The following THEMIS variants were observed in gnomAD, a reference collection of about 807,000 sequenced individuals.
THEMIS encodes protein THEMIS.
Under a neutral mutation model 52.6 loss-of-function variants are expected in THEMIS, and 37 were observed. The observed-to-expected ratio is 0.70, with a 90% CI of 0.54 to 0.93. The LOEUF is 0.93. Among genes scored for constraint, THEMIS ranks in the 40% least tolerant of loss-of-function variants. The probability of loss-of-function intolerance (pLI) is 0.00; values close to 1 mark genes in which losing one functional copy is unlikely to be tolerated. For synonymous variants in THEMIS, 292 were observed against 272.7 expected (o/e 1.07, Z -0.70); for missense variants, 808 against 763.1 (o/e 1.06, Z -0.69).
chr6:127,797,617 A>C (rs907523919), intron 4 of THEMIS, among the ~76,000 whole-genome samples: 1 of 152,164 alleles, frequency 6.6e-6, no homozygotes, highest in African/African-American at 2.4e-5. Context: ...AAGACCTCCA[A>C]ATGGATCACC....
chr6:127,833,661 A>G (rs1374462793), intron 2 of THEMIS, among the ~76,000 whole-genome samples: 2 of 152,188 alleles, frequency 1.3e-5, no homozygotes, highest in African/African-American at 4.8e-5. Context: ...TGAGAAGAAC[A>G]ATAATAATCT....
chr6:127,788,984 G>A (rs988070636), intron 4 of THEMIS, among the ~76,000 whole-genome samples: 3 of 152,092 alleles, frequency 2.0e-5, no homozygotes, highest in African/African-American at 4.8e-5. Context: ...AGAAGCATGA[G>A]CAAACAAGTT....
At chr6:127,880,733 G>A (rs1780459759) in intron 1 of THEMIS, among the ~76,000 whole-genome samples, 1 of 152,114 alleles carries the variant, frequency 6.6e-6, no homozygotes, top group Admixed American at 6.5e-5. Flanking sequence ...TCTATTTTTT[G>A]TAAGAACCAG....
chr6:127,841,689 A>C (rs936012285), intron 2 of THEMIS, among the ~76,000 whole-genome samples: 56 of 149,412 alleles, frequency 3.7e-4, no homozygotes, highest in Middle Eastern at 3.4e-3. Flanking sequence ...GGATGCAGAG[A>C]AATAATCTGA....
intron 5 of THEMIS, among the ~76,000 whole-genome samples, chr6:127,714,169 C>T (rs1376737254): frequency 6.6e-6 from 1 of 151,756 alleles, no homozygotes; most frequent in Non-Finnish European, 1.5e-5. Flanking sequence ...TCCATAGAAC[C>T]CCTACAGCAG....
Position 127,829,635 on chromosome 6 carries a change from G to A in THEMIS, c.550C>T (p.Leu184=). 1 of 1,614,016 alleles carries A rather than the reference G, an allele frequency of 6.2e-7. No homozygotes were observed. ...YECEDERIYT[L]KEIVEWKIPK... ...ATCTTCCATTCAACAATCTCCTTTA[G>A]AGTGTAAATACGTTCATCTTCACAC... The change falls in exon 3 of 6, where the codon CTA becomes TTA. Residue 184 remains leucine, a synonymous_variant. Coordinates refer to ENST00000368248, the MANE Select transcript of THEMIS (RefSeq NM_001010923.3).
intron 4 of THEMIS, among the ~76,000 whole-genome samples, chr6:127,724,138 T>C (rs1393320392): frequency 6.6e-6 from 1 of 152,122 alleles, no homozygotes; most frequent in Non-Finnish European, 1.5e-5. Flanking sequence ...GCTTACATTA[T>C]ATATTGGTAG....
chr6:127,874,805 A>G (rs1780266092), intron 1 of THEMIS, among the ~76,000 whole-genome samples: 1 of 152,236 alleles, frequency 6.6e-6, no homozygotes, highest in African/African-American at 2.4e-5. Flanking sequence ...AACAATGTCA[A>G]TATCCTGGTT....
chr6:127,747,413 G>A (rs1271850726), intron 4 of THEMIS, among the ~76,000 whole-genome samples: 2 of 146,170 alleles, frequency 1.4e-5, no homozygotes, highest in Admixed American at 6.9e-5. Flanking sequence ...TATTATAGAT[G>A]TAGATATGAA....
At chr6:127,855,846 G>A (rs1192590466) in intron 1 of THEMIS, among the ~76,000 whole-genome samples, 1 of 151,870 alleles carries the variant, frequency 6.6e-6, no homozygotes, top group East Asian at 1.9e-4. Flanking sequence ...AGATGCTACA[G>A]CTAAGTTTTC....
chr6:127,853,021 A>G (rs535703776), intron 2 of THEMIS, among the ~76,000 whole-genome samples: 2 of 151,784 alleles, frequency 1.3e-5, no homozygotes, highest in South Asian at 2.1e-4. Flanking sequence ...TCACTATTCT[A>G]ATAAGAAAAA....
intron 1 of THEMIS, 53 bp from the exon 2 acceptor site, chr6:127,855,241 C>T (rs1163211341): frequency 2.1e-6 from 3 of 1,407,586 alleles, no homozygotes; most frequent in Non-Finnish European, 1.9e-6. Context: ...CAGTGAAAAA[C>T]AAAGTAGACT....
chr6:127,902,336 A>T (rs1241099729), upstream of THEMIS, among the ~76,000 whole-genome samples: 18 of 150,252 alleles, frequency 1.2e-4, no homozygotes, highest in African/African-American at 3.9e-4. Context: ...AAAAAAAAAA[A>T]AAAAAAAAAT....
intron 1 of THEMIS, among the ~76,000 whole-genome samples, chr6:127,884,821 C>T (rs1780596271): frequency 6.6e-6 from 1 of 152,080 alleles, no homozygotes; most frequent in African/African-American, 2.4e-5. Context: ...TCTGGTGAGG[C>T]CTCTCTTCTT....
At chr6:127,803,194 A>C (rs1777593121) in intron 4 of THEMIS, among the ~76,000 whole-genome samples, 1 of 152,174 alleles carries the variant, frequency 6.6e-6, no homozygotes, top group South Asian at 2.1e-4. Flanking sequence ...TATAATTAGA[A>C]TATTTTAATG....
At chr6:127,840,697 A>G (rs1280968884) in intron 2 of THEMIS, among the ~76,000 whole-genome samples, 2 of 152,134 alleles carry the variant, frequency 1.3e-5, no homozygotes, top group African/African-American at 2.4e-5. Context: ...CTTGGAAGTA[A>G]TAACTATGCC....
chr6:127,747,206 T>C (rs1218228278), intron 4 of THEMIS, among the ~76,000 whole-genome samples: 1 of 137,230 alleles, frequency 7.3e-6, no homozygotes, highest in African/African-American at 2.6e-5. Context: ...ATCTATCATA[T>C]CTGCATATTA....
At chr6:127,696,748 A>C in the THEMIS span, among the ~76,000 whole-genome samples, 1 of 152,026 alleles carries the variant, frequency 6.6e-6, no homozygotes, top group African/African-American at 2.4e-5. Flanking sequence ...TTATTTTTTT[A>C]GACTGCCCTC....
At chr6:127,826,018 A>C (rs1333450291) in intron 3 of THEMIS, among the ~76,000 whole-genome samples, 1 of 152,166 alleles carries the variant, frequency 6.6e-6, no homozygotes, top group Non-Finnish European at 1.5e-5. Flanking sequence ...ATATACTGAG[A>C]ATATAGGGAA....
Sources: allele counts gnomAD v4.1 joint callset (sites outside exome capture counted in the v4.1 genomes callset), GRCh38; gene constraint gnomAD v4.1.1; transcripts MANE v1.5; gene names NCBI Gene and HGNC (gene_info 2026-07-23, HGNC 2026-07-21).